The following SPG7 variants were observed in gnomAD, a reference collection of about 807,000 sequenced individuals.
The protein encoded by SPG7 is SPG7 matrix AAA peptidase subunit, paraplegin.
A neutral mutation model predicts 81.9 loss-of-function variants in SPG7; 103 were observed. That is an observed-to-expected ratio of 1.26 (90% CI 1.07 to 1.48). SPG7 has a LOEUF of 1.48. Among genes scored for constraint, SPG7 ranks in the 40% most tolerant of loss-of-function variants. The pLI, the probability that SPG7 is intolerant of heterozygous loss-of-function variation, is 0.00. For missense variants in SPG7, 1,241 were observed against 1,087.3 expected, an observed-to-expected ratio of 1.14 and a Z score of -1.99; for synonymous variants, 534 against 444.2, an observed-to-expected ratio of 1.20 and a Z score of -2.54.
At chr16:89,553,675 C>A in intron 14 of SPG7, 119 bp from the exon 15 acceptor site, 1 of 979,558 alleles carries the variant, frequency 1.0e-6, no homozygotes, top group Non-Finnish European at 1.6e-6. Flanking sequence ...ACGGTGGGTC[C>A]TCGGGAGGAA....
intron 10 of SPG7, 123 bp from the exon 11 acceptor site, chr16:89,546,535 A>G: frequency 1.3e-6 from 1 of 788,984 alleles, no homozygotes; most frequent in Non-Finnish European, 2.3e-6. Flanking sequence ...AAACTCAGGC[A>G]TGATGGCACA....
At chr16:89,534,233 C>G (rs2058383144) in intron 9 of SPG7, among the ~76,000 whole-genome samples, 1 of 152,154 alleles carries the variant, frequency 6.6e-6, no homozygotes, top group African/African-American at 2.4e-5. Context: ...TTGTAGGGAC[C>G]TCATAGAATT....
Position 89,557,489 on chromosome 16 carries a change from TC to T in SPG7, c.*397del. On this transcript the variant is annotated 3_prime_UTR_variant, in exon 17 of 17. Transcript: ENST00000645818. ...GACCGCCCCAGTTCCTGTGGCTCCC[TC>T]GGAATGCTAAGGGGATCGGACATGA... The T allele has an allele frequency of 3.6e-6, 1 of 279,284 alleles. No homozygotes were observed. Among genetic ancestry groups the T allele is most frequent in the Non-Finnish European group, 7.0e-6 (1 of 142,396 alleles). The allele number at this position is 279,284 out of a possible 1,614,324, so 17.3% of individuals were successfully genotyped here. A position where few individuals can be genotyped will look rare whatever the true frequency, so the allele number is the denominator to read the frequency against.
intron 5 of SPG7, 173 bp from the exon 6 acceptor site, chr16:89,529,304 G>C: frequency 3.1e-6 from 2 of 654,570 alleles, no homozygotes; most frequent in South Asian, 3.4e-5. Context: ...CAGTCAGCGA[G>C]AATGAGACGA....
chr16:89,513,037 G>A lies in SPG7; in HGVS notation c.376G>A (p.Glu126Lys). ...SKGKAPEEDE[E>K]ERRRRERDDQ... is the part of the protein sequence containing the mutation. ...GGGGAAGGCGCCTGAAGAGGACGAA[G>A]GTATATTCATCTGATGTTCTTCAGT... The change falls in exon 3 of 17, where the codon GAG (glutamate) becomes AAG (lysine). Residue 126 changes from glutamate (E) to lysine (K), a missense_variant and splice_region_variant. By Grantham distance (56) the Glu-to-Lys change is moderately conservative. Transcript: ENST00000645818. The A allele has an allele frequency of 1.2e-6, 2 of 1,604,564 alleles. No individual in the cohort carries two copies. Among genetic ancestry groups the A allele is most frequent in the Admixed American group, 1.7e-5 (1 of 58,396 alleles).
intron 5 of SPG7, chr16:89,526,976 C>T (rs1019527266): frequency 4.4e-6 from 1 of 227,890 alleles, no homozygotes; most frequent in Non-Finnish European, 9.0e-6. Context: ...CAGCCCCCGA[C>T]GTAGGATGGC....
At chr16:89,527,859 C>G (rs1264640937) in intron 5 of SPG7, among the ~76,000 whole-genome samples, 3 of 152,022 alleles carry the variant, frequency 2.0e-5, no homozygotes, top group South Asian at 2.1e-4. Context: ...CTTTGGAAGG[C>G]TGAGGCAGGG....
In SPG7 at chr16:89,530,326, T is replaced by C. The variant is rs2058324237; in HGVS notation, c.862-357T>C. 8.7e-6 allele frequency: 3 copies of C among 346,700 alleles called. No individual in the cohort carries two copies. The Admixed American group carries it at 1.2e-4, about 14-fold the overall frequency. The allele number at this position is 346,700 out of a possible 1,614,324, so 21.5% of individuals were successfully genotyped here. ...CACCCAGCTAATTTTTTTGTATTTT[T>C]GGTAGAGACAGGTTTCACCGTGTTA... On this transcript the variant is annotated intron_variant, in intron 6 of 16. Coordinates refer to ENST00000645818, the MANE Select transcript of SPG7 (RefSeq NM_003119.4).
At chr16:89,521,406 GA>G (rs1181627005) in intron 3 of SPG7, 1 of 152,258 alleles carries the variant, frequency 6.6e-6, no homozygotes, top group Non-Finnish European at 1.5e-5. Context: ...GACGAAAGCA[GA>G]AGAGGTGTTT....
intron 5 of SPG7, 47 bp from the exon 6 acceptor site, chr16:89,529,430 C>T (rs377606565): frequency 1.0e-5 from 13 of 1,298,108 alleles, no homozygotes; most frequent in Middle Eastern, 4.4e-4. Flanking sequence ...CTGCGTCTGT[C>T]ACGTGACACC....
At position 89,524,002 on chromosome 16, in the gene SPG7, T is replaced by C; in HGVS notation, c.377-4T>C. ...TTCTCCCTTTTGCTTCTCTGCCGGC[T>C]CAGAGGAGAGGAGACGCCGTGAGCG... On this transcript the variant is annotated splice_region_variant and splice_polypyrimidine_tract_variant and intron_variant, in intron 3 of 16. Transcript: ENST00000645818. 1 of 1,612,070 alleles carries C rather than the reference T, an allele frequency of 6.2e-7. No homozygotes were observed. The highest frequency in any genetic ancestry group is 8.5e-7 in the Non-Finnish European group (1 of 1,179,966).
intron 9 of SPG7, chr16:89,541,880 C>G (rs2058500345): frequency 6.6e-6 from 1 of 152,050 alleles, no homozygotes; most frequent in Non-Finnish European, 1.5e-5. Context: ...CCACATGTCC[C>G]TGACACATAG....
intron 1 of SPG7, among the ~76,000 whole-genome samples, chr16:89,509,725 C>T (rs928982328): frequency 1.3e-5 from 2 of 151,398 alleles, no homozygotes; most frequent in African/African-American, 2.4e-5. Flanking sequence ...TGCTCCCTTT[C>T]TCCTGCAGAA....
Position 89,531,880 on chromosome 16 carries a change from G to A in SPG7, c.988-24G>A, listed in dbSNP as rs1567913799. 1.9e-6 allele frequency: 3 copies of A among 1,613,898 alleles called. No homozygotes were observed. In the South Asian group the frequency reaches 3.3e-5, roughly 18 times the overall value. Reference sequence around the variant, plus strand: ...AAAACGGAATCCCCAAGTAGTTAGTGTTGCATTGTCTGCTGCCGTCCAGAG... The same window carrying A: ...AAAACGGAATCCCCAAGTAGTTAGTATTGCATTGTCTGCTGCCGTCCAGAG... On this transcript the variant is annotated intron_variant, in intron 7 of 16. Coordinates refer to ENST00000645818, the MANE Select transcript of SPG7 (RefSeq NM_003119.4).
intron 8 of SPG7, 94 bp from the exon 9 acceptor site, chr16:89,532,369 G>A (rs1197656997): frequency 3.4e-6 from 5 of 1,449,778 alleles, no homozygotes; most frequent in Non-Finnish European, 4.8e-6. Context: ...AGCTTTAGTT[G>A]TCCTTGGTGT....
intron 2 of SPG7, among the ~76,000 whole-genome samples, chr16:89,512,527 G>T (rs956406046): frequency 6.6e-6 from 1 of 151,952 alleles, no homozygotes; most frequent in Admixed American, 6.6e-5. Flanking sequence ...CAGCCAGTCT[G>T]GTCTTGAACT....
intron 12 of SPG7, chr16:89,549,052 G>A: frequency 2.2e-6 from 1 of 456,378 alleles, no homozygotes; most frequent in South Asian, 1.5e-5. Flanking sequence ...GCCAGACACT[G>A]CAAAACACAC....
intron 10 of SPG7, chr16:89,545,769 T>A (rs1174254992): frequency 1.9e-5 from 6 of 323,850 alleles, no homozygotes; most frequent in Non-Finnish European, 3.0e-5. Flanking sequence ...GTGTGGGAAT[T>A]GGAAGTTTTG....
rs377546292 is a variant in SPG7, at chr16:89,556,839, C to T, written c.2182-48C>T. 5.0e-5 allele frequency: 71 copies of T among 1,430,932 alleles called. No homozygotes were observed. In the African/African-American group the frequency reaches 9.0e-4, roughly 18 times the overall value. 88.6% of individuals were successfully genotyped at this position (1,430,932 alleles called of 1,614,324 possible). On this transcript the variant is annotated intron_variant, in intron 16 of 16. Transcript: ENST00000645818. ...GCCACCTCCCCAGGACATAGAGATG[C>T]TCTGTCTGCCCTGGGGACTCACACA... is the stretch of plus-strand genomic sequence containing the variant.
Sources: allele counts gnomAD v4.1 joint callset (sites outside exome capture counted in the v4.1 genomes callset), GRCh38; gene constraint gnomAD v4.1.1; transcripts MANE v1.5; gene names NCBI Gene and HGNC (gene_info 2026-07-23, HGNC 2026-07-21).